FRMPD4: variants seen among roughly 807,000 people sequenced by gnomAD.
The protein encoded by FRMPD4 is FERM and PDZ domain containing 4.
Under a neutral mutation model 94.1 loss-of-function variants are expected in FRMPD4, and 22 were observed. That is an observed-to-expected ratio of 0.23 (90% CI 0.17 to 0.33). The LOEUF (loss-of-function observed/expected upper bound fraction) is 0.33, where lower values mean the gene tolerates loss of function less well. Ranked by LOEUF, FRMPD4 falls within the 10% of genes least tolerant of loss-of-function variation. The pLI, the probability that FRMPD4 is intolerant of heterozygous loss-of-function variation, is 1.00. For synonymous variants in FRMPD4, 631 were observed against 548.6 expected (o/e 1.15, Z -2.10); for missense variants, 1,111 against 1,339.9 (o/e 0.83, Z 2.67).
chrX:12,432,191 G>T (rs1283976546), intron 1 of FRMPD4, among the ~76,000 whole-genome samples: 1 of 111,820 alleles, frequency 8.9e-6, no homozygotes, highest in African/African-American at 3.3e-5. Context: ...CATCTTCTCA[G>T]AGAGGCCTTC....
At chrX:12,464,666 C>T (rs1315624474) in intron 1 of FRMPD4, among the ~76,000 whole-genome samples, 1 of 111,809 alleles carries the variant, frequency 8.9e-6, no homozygotes, top group Non-Finnish European at 1.9e-5. Context: ...ATATACATGA[C>T]GGCAAGGGCA....
rs781279340 is a variant in FRMPD4, at chrX:12,562,813, T to C, written c.159-46908T>C. On this transcript the variant is annotated intron_variant, in intron 2 of 16. Coordinates refer to ENST00000675598, the MANE Select transcript of FRMPD4 (RefSeq NM_001368397.1). ...AATAAAATAAAGACATTTAAAAACA[T>C]TTTTTGTTTTAATAATAGAGAGGGC... 5.1e-4 allele frequency among the ~76,000 whole-genome samples: 57 copies of C among 112,069 alleles called. 1 individual carries two copies. The highest frequency in any genetic ancestry group is 1.6e-3 in the African/African-American group (50 of 30,883).
chrX:11,963,037 C>T (rs766937706), intron 3 of FRMPD4, among the ~76,000 whole-genome samples: 2 of 112,290 alleles, frequency 1.8e-5, no homozygotes, highest in East Asian at 5.5e-4. Flanking sequence ...ATTGCTCTTT[C>T]TTGCAATACC....
chrX:12,083,383 C>T (rs774533531), intron 3 of FRMPD4, among the ~76,000 whole-genome samples: 172 of 112,854 alleles, frequency 1.5e-3, no homozygotes, highest in South Asian at 3.6e-3. Context: ...TGGGAACCTC[C>T]GCCTAGATTT....
At chrX:12,197,711 A>G (rs892397293) in intron 1 of FRMPD4, among the ~76,000 whole-genome samples, 1 of 112,041 alleles carries the variant, frequency 8.9e-6, no homozygotes, top group Non-Finnish European at 1.9e-5. Context: ...CAAGTTACAC[A>G]TTTAAAATCA....
At chrX:11,878,744 A>G (rs1250148555) in intron 3 of FRMPD4, among the ~76,000 whole-genome samples, 5 of 112,251 alleles carry the variant, frequency 4.5e-5, no homozygotes, top group South Asian at 3.7e-4. Flanking sequence ...TGATTGGAAA[A>G]TTTCCAGTTA....
At chrX:12,703,232 T>C (rs755292003) in intron 10 of FRMPD4, among the ~76,000 whole-genome samples, 1 of 112,641 alleles carries the variant, frequency 8.9e-6, no homozygotes, top group South Asian at 3.7e-4. Flanking sequence ...AAAATACTAA[T>C]ATGTATGAAT....
intron 3 of FRMPD4, among the ~76,000 whole-genome samples, chrX:12,074,853 T>A (rs1275254639): frequency 8.9e-6 from 1 of 112,482 alleles, no homozygotes; most frequent in Non-Finnish European, 1.9e-5. Context: ...TTCAGAGATA[T>A]TCTTTCCCAA....
chrX:12,617,007 G>T (rs1228157801), intron 4 of FRMPD4, among the ~76,000 whole-genome samples: 1 of 112,541 alleles, frequency 8.9e-6, no homozygotes, highest in African/African-American at 3.2e-5. Flanking sequence ...CCTAGCAGTT[G>T]TTCCAGGGAC....
intron 1 of FRMPD4, among the ~76,000 whole-genome samples, chrX:12,457,433 G>A (rs1041463881): frequency 1.8e-5 from 2 of 111,575 alleles, no homozygotes; most frequent in African/African-American, 6.5e-5. Flanking sequence ...GAAATCCTAC[G>A]TTGCATTTAT....
chrX:11,999,614 A>G (rs908310413), intron 3 of FRMPD4, among the ~76,000 whole-genome samples: 1 of 112,305 alleles, frequency 8.9e-6, no homozygotes, highest in African/African-American at 3.2e-5. Context: ...AGCAGTTGAC[A>G]AATTTACCAT....
intron 4 of FRMPD4, among the ~76,000 whole-genome samples, chrX:12,631,551 C>G (rs751073671): frequency 9.1e-6 from 1 of 110,416 alleles, no homozygotes; most frequent in South Asian, 4.0e-4. Context: ...CCTAGCCCCC[C>G]ACCCCACAAC....
At chrX:12,578,693 C>T (rs748601869) in intron 2 of FRMPD4, among the ~76,000 whole-genome samples, 2 of 111,728 alleles carry the variant, frequency 1.8e-5, no homozygotes, top group South Asian at 3.8e-4. Flanking sequence ...ATTTTAATAT[C>T]GCAAATATGC....
At chrX:12,251,738 T>G (rs2054043086) in intron 1 of FRMPD4, among the ~76,000 whole-genome samples, 1 of 111,787 alleles carries the variant, frequency 8.9e-6, no homozygotes, top group South Asian at 3.8e-4. Flanking sequence ...GCACATATAT[T>G]TAGGCCAGGC....
intron 3 of FRMPD4, among the ~76,000 whole-genome samples, chrX:11,985,390 C>A (rs891625370): frequency 1.8e-5 from 2 of 111,895 alleles, no homozygotes; most frequent in South Asian, 3.8e-4. Context: ...CTTGAATAAC[C>A]AAGAGTGATA....
chrX:12,698,940 A>G (rs1363314666), intron 9 of FRMPD4, among the ~76,000 whole-genome samples: 1 of 112,117 alleles, frequency 8.9e-6, no homozygotes, highest in African/African-American at 3.2e-5. Context: ...GAGGCTGAAG[A>G]GAGATGAAAT....
At chrX:11,901,245 C>T (rs1455724248) in intron 3 of FRMPD4, among the ~76,000 whole-genome samples, 3 of 111,332 alleles carry the variant, frequency 2.7e-5, no homozygotes, top group African/African-American at 9.8e-5. Flanking sequence ...ATCCTTCACC[C>T]CCTCCCAACC....
chrX:12,705,531 ATT>A (rs60352293), intron 11 of FRMPD4, among the ~76,000 whole-genome samples: 8 of 106,074 alleles, frequency 7.5e-5, no homozygotes, highest in Non-Finnish European at 1.4e-4. Flanking sequence ...CCCCACGACA[ATT>A]TTTTTTTTTA....
chrX:12,654,267 C>T (rs958877667), intron 4 of FRMPD4, among the ~76,000 whole-genome samples: 1 of 111,778 alleles, frequency 8.9e-6, no homozygotes. Context: ...TTGTTGGTAA[C>T]AGCAACCTCT....
Sources: allele counts gnomAD v4.1 joint callset (sites outside exome capture counted in the v4.1 genomes callset), GRCh38; gene constraint gnomAD v4.1.1; transcripts MANE v1.5; gene names NCBI Gene and HGNC (gene_info 2026-07-23, HGNC 2026-07-21).